GYG1: variants seen among roughly 807,000 people sequenced by gnomAD.
GYG1 encodes the protein glycogenin 1, also known as glycogenin-1.
GYG1 carries 44 observed loss-of-function variants against 41.9 expected under a neutral mutation model. That is an observed-to-expected ratio of 1.05 (90% CI 0.83 to 1.35). GYG1 has a LOEUF of 1.35. Among genes scored for constraint, GYG1 ranks in the 40% most tolerant of loss-of-function variants. The probability of loss-of-function intolerance (pLI) is 0.00; values close to 1 mark genes in which losing one functional copy is unlikely to be tolerated. For synonymous variants in GYG1, 141 were observed against 158.1 expected (o/e 0.89, Z 0.81); for missense variants, 429 against 418.9 (o/e 1.02, Z -0.21).
At position 149,009,490 on chromosome 3, in the gene GYG1, G is replaced by A. The variant is rs773273215; in HGVS notation, c.608+88G>A. On this transcript the variant is annotated intron_variant, in intron 5 of 7. Transcript: ENST00000345003. ...TTTGGGGCTGCTTCATTGTCATTCC[G>A]AGGGAAATAACAGATAGACACTTTG... 1.9e-4 allele frequency: 246 copies of A among 1,264,622 alleles called. 3 individuals carry two copies. The highest frequency in any genetic ancestry group is 7.3e-4 in the Middle Eastern group (4 of 5,450). 78.3% of individuals were successfully genotyped at this position (1,264,622 alleles called of 1,614,324 possible).
chr3:149,026,486 G>A lies in GYG1; in HGVS notation c.863G>A (p.Cys288Tyr). ...TTGGTCTATACACTGGCTTTCTCTTGTGGCTTCTGTAGAAAGGTATGCAGA... is the reference window on the plus strand; with the variant it reads ...TTGGTCTATACACTGGCTTTCTCTTATGGCTTCTGTAGAAAGGTATGCAGA... ...SDLVYTLAFS[C>Y]GFCRKEDVSG... The change falls in exon 7 of 8, where the codon TGT becomes TAT. Residue 288 changes from cysteine to tyrosine, a missense_variant. Coordinates refer to ENST00000345003, the MANE Select transcript of GYG1 (RefSeq NM_004130.4). 1 of 1,605,528 alleles carries A rather than the reference G, an allele frequency of 6.2e-7. No homozygotes were observed. The highest frequency in any genetic ancestry group is 8.5e-7 in the Non-Finnish European group (1 of 1,172,198).
In GYG1 at chr3:148,994,345, T is replaced by C. The variant is rs971877494; in HGVS notation, c.143+68T>C. The stretch of plus-strand genomic sequence containing the variant: ...ATCCTTCTCCCTGTTGCTGACATCA[T>C]TGGACATTGAGGCCATGCTCTTTTC... On this transcript the variant is annotated intron_variant, in intron 2 of 7. Coordinates refer to ENST00000345003, the MANE Select transcript of GYG1 (RefSeq NM_004130.4). 12 of 1,517,766 alleles carry C rather than the reference T, an allele frequency of 7.9e-6. No homozygotes were observed. In the East Asian group the frequency reaches 9.0e-5, roughly 11 times the overall value. 94.0% of individuals were successfully genotyped at this position (1,517,766 alleles called of 1,614,324 possible). A position where few individuals can be genotyped will look rare whatever the true frequency, so the allele number is the denominator to read the frequency against.
intron 5 of GYG1, among the ~76,000 whole-genome samples, chr3:149,021,384 G>T (rs373681964): frequency 6.6e-6 from 1 of 152,116 alleles, no homozygotes; most frequent in African/African-American, 2.4e-5. Context: ...ATATACTTAC[G>T]TGTATAAAAT....
At chr3:149,017,774 T>TG (rs1381590007) in intron 5 of GYG1, among the ~76,000 whole-genome samples, 1 of 147,714 alleles carries the variant, frequency 6.8e-6, no homozygotes, top group Non-Finnish European at 1.5e-5. Context: ...CAGCTAGTTT[T>TG]TTTTTTTTTT....
At chr3:149,026,712 CA>C in intron 7 of GYG1, 47 bp from the exon 8 acceptor site, 1 of 1,361,592 alleles carries the variant, frequency 7.3e-7, no homozygotes, top group Non-Finnish European at 1.1e-6. Context: ...TTCTTTAAAA[CA>C]GTTTGATTTT....
rs908557935 is a variant in GYG1, at chr3:149,029,508, A to G, written c.*2575A>G. 1.2e-4 allele frequency among the ~76,000 whole-genome samples: 19 copies of G among 152,186 alleles called. No individual in the cohort carries two copies. The highest frequency in any genetic ancestry group is 1.0e-3 in the Admixed American group (16 of 15,286). ...CCTTATACCCATATTGTCCTGCTGT[A>G]TAACACATTTTGCAGATATTTTGAA... is the stretch of plus-strand genomic sequence containing the variant. On this transcript the variant is annotated 3_prime_UTR_variant, in exon 8 of 8. Transcript: ENST00000345003.
rs532394021 is a variant in GYG1 at position 148,999,838 on chromosome 3, T to C, written c.481+2934T>C. ...AGTTACCCACATTTTCTCACAACCATAGTTTCTCCCTCCACCACCCCCATA... is the reference window on the plus strand; with the variant it reads ...AGTTACCCACATTTTCTCACAACCACAGTTTCTCCCTCCACCACCCCCATA... On this transcript the variant is annotated intron_variant, in intron 4 of 7. Transcript: ENST00000345003. 2.0e-5 allele frequency among the ~76,000 whole-genome samples: 3 copies of C among 152,300 alleles called. No individual in the cohort carries two copies. In the South Asian group the frequency reaches 6.2e-4, roughly 32 times the overall value.
At chr3:148,994,834 G>C (rs535424266) in intron 2 of GYG1, among the ~76,000 whole-genome samples, 1 of 152,326 alleles carries the variant, frequency 6.6e-6, no homozygotes, top group Non-Finnish European at 1.5e-5. Flanking sequence ...ACACTAAAGG[G>C]TATAAACTGC....
intron 1 of GYG1, among the ~76,000 whole-genome samples, chr3:148,992,036 T>G (rs921758155): frequency 6.6e-6 from 1 of 152,114 alleles, no homozygotes; most frequent in Non-Finnish European, 1.5e-5. Context: ...CGTGGGGAGC[T>G]GCCCCGGCCT....
intron 1 of GYG1, among the ~76,000 whole-genome samples, chr3:148,991,906 T>C (rs900505503): frequency 2.0e-5 from 3 of 152,182 alleles, no homozygotes; most frequent in Non-Finnish European, 4.4e-5. Flanking sequence ...CGTCTCCTCG[T>C]CCTTCCTCTT....
At position 149,030,947 on chromosome 3, in the gene GYG1, CTTA is replaced by C. The variant is rs1714965741; in HGVS notation, c.*4015_*4017del. 6.6e-6 allele frequency: 1 copy of C among 152,192 alleles called. No individual in the cohort carries two copies. The highest frequency in any genetic ancestry group is 2.4e-5 in the African/African-American group (1 of 41,452). The allele number at this position is 152,192 out of a possible 1,614,324, so 9.4% of individuals were successfully genotyped here. ...TTTCTATCAAATGACTTCCAACACT[CTTA>C]AGTCTCAGGTATTCTTAAATCTGTA... On this transcript the variant is annotated 3_prime_UTR_variant, in exon 8 of 8. Transcript: ENST00000345003.
intron 5 of GYG1, among the ~76,000 whole-genome samples, chr3:149,013,649 TC>T (rs1713861155): frequency 6.6e-6 from 1 of 152,230 alleles, no homozygotes; most frequent in Non-Finnish European, 1.5e-5. Flanking sequence ...AATATTTCTT[TC>T]TTTTTTAAGA....
chr3:149,009,253 A>G (rs1264252563), intron 4 of GYG1, 23 bp from the exon 5 acceptor site: 1 of 1,581,554 alleles, frequency 6.3e-7, no homozygotes, highest in African/African-American at 1.3e-5. Context: ...CTGTTAACTA[A>G]TTTATATATT....
intron 1 of GYG1, chr3:148,992,357 A>C (rs1222607400): frequency 6.6e-6 from 1 of 152,392 alleles, no homozygotes; most frequent in Non-Finnish European, 1.5e-5. Flanking sequence ...CAGGGTTATT[A>C]CAGCAGTTGA....
At chr3:149,023,919 A>C in intron 5 of GYG1, 134 bp from the exon 6 acceptor site, 1 of 727,376 alleles carries the variant, frequency 1.4e-6, no homozygotes. Context: ...ATGCTACTGC[A>C]CTCCAGCCTG....
At chr3:149,022,624 T>C (rs1197248561) in intron 5 of GYG1, among the ~76,000 whole-genome samples, 1 of 149,590 alleles carries the variant, frequency 6.7e-6, no homozygotes, top group Non-Finnish European at 1.5e-5. Flanking sequence ...GCCTCCTGAG[T>C]AGCTGTGATT....
chr3:148,995,546 C>T (rs983065108), intron 2 of GYG1, among the ~76,000 whole-genome samples: 1 of 152,268 alleles, frequency 6.6e-6, no homozygotes, highest in African/African-American at 2.4e-5. Context: ...TAGGATATGT[C>T]TAAGAAACCA....
chr3:148,996,182 C>G, intron 2 of GYG1, 120 bp from the exon 3 acceptor site: 1 of 792,196 alleles, frequency 1.3e-6, no homozygotes, highest in Non-Finnish European at 2.2e-6. Context: ...CATATTCTAC[C>G]AAAGCAATAC....
intron 5 of GYG1, among the ~76,000 whole-genome samples, chr3:149,019,068 T>TAAAAAAAAAAAAAAAAA (rs67695680): frequency 8.4e-6 from 1 of 119,096 alleles, no homozygotes. Context: ...GACACTGTCT[T>TAAAAAAAAAAAAAAAAA]AAAAAAAAAA....
Sources: allele counts gnomAD v4.1 joint callset (sites outside exome capture counted in the v4.1 genomes callset), GRCh38; gene constraint gnomAD v4.1.1; transcripts MANE v1.5; gene names NCBI Gene and HGNC (gene_info 2026-07-23, HGNC 2026-07-21).